PCDHGA9: variants seen among roughly 807,000 people sequenced by gnomAD.
PCDHGA9 encodes protocadherin gamma subfamily A, 9, also known as protocadherin gamma-A9.
PCDHGA9 carries 37 observed loss-of-function variants against 62.5 expected under a neutral mutation model. The ratio of observed to expected loss-of-function variants is 0.59; its 90% CI spans 0.46 to 0.78. The LOEUF (loss-of-function observed/expected upper bound fraction) is 0.78, where lower values mean the gene tolerates loss of function less well. Among genes scored for constraint, PCDHGA9 ranks in the 30% least tolerant of loss-of-function variants. The pLI is 0.00. For missense variants in PCDHGA9, 1,138 were observed against 1,166.2 expected (o/e 0.98, Z 0.35); for synonymous variants, 459 against 484.6 (o/e 0.95, Z 0.69).
chr5:141,418,095 C>T, intron 1 of PCDHGA9: 1 of 1,614,006 alleles, frequency 6.2e-7, no homozygotes, highest in Non-Finnish European at 8.5e-7. Context: ...AGCGTAGACG[C>T]GCAGAGCGGG....
At position 141,476,749 on chromosome 5, in the gene PCDHGA9, G is replaced by C; in HGVS notation, c.2425-18058G>C. On this transcript the variant is annotated intron_variant, in intron 1 of 3. Transcript: ENST00000573521. The surrounding 1 kb of genome is among the most constrained non-coding windows in gnomAD (Gnocchi z 7.6). ...ACCGAGAACGGGAGCCTAGTCTCCA[G>C]TTAGTGCTGACGGCGTTGGACGGAG... is the stretch of plus-strand genomic sequence containing the variant. 1.9e-6 allele frequency: 3 copies of C among 1,614,042 alleles called. No homozygotes were observed. The highest frequency in any genetic ancestry group is 2.5e-6 in the Non-Finnish European group (3 of 1,180,038).
chr5:141,434,506 T>C (rs2154556236), intron 1 of PCDHGA9, among the ~76,000 whole-genome samples: 2 of 152,344 alleles, frequency 1.3e-5, no homozygotes, highest in East Asian at 3.9e-4. Context: ...GGCAGAAAAC[T>C]GCTTAAAGGT....
At position 141,476,499 on chromosome 5, in the gene PCDHGA9, T is replaced by A. The variant is rs763373223; in HGVS notation, c.2425-18308T>A. On this transcript the variant is annotated intron_variant, in intron 1 of 3. Coordinates refer to ENST00000573521, the MANE Select transcript of PCDHGA9 (RefSeq NM_018921.3). This position sits in a 1 kb window ranked among gnomAD's most constrained non-coding sequence, Gnocchi z 7.6. Reference sequence around the variant, plus strand: ...AGCGTGGAAGTGGTGATCCAGGACATCAACGACAACAATCCTGCTTTCCCT... The same window carrying A: ...AGCGTGGAAGTGGTGATCCAGGACAACAACGACAACAATCCTGCTTTCCCT... 3.1e-6 allele frequency: 5 copies of A among 1,613,992 alleles called. No individual in the cohort carries two copies. The South Asian group carries it at 5.5e-5, about 18-fold the overall frequency.
chr5:141,422,296 A>C, intron 1 of PCDHGA9: 1 of 1,550,706 alleles, frequency 6.4e-7, no homozygotes, highest in South Asian at 1.3e-5. Context: ...TATTAATTCA[A>C]TTCTGGAAAA....
chr5:141,430,587 T>C, intron 1 of PCDHGA9: 1 of 521,996 alleles, frequency 1.9e-6, no homozygotes, highest in Non-Finnish European at 3.1e-6. Context: ...CCTGCTCGCC[T>C]TGCACGCGCC....
intron 3 of PCDHGA9, among the ~76,000 whole-genome samples, chr5:141,506,598 G>A (rs1056005258): frequency 6.6e-6 from 1 of 152,130 alleles, no homozygotes; most frequent in Non-Finnish European, 1.5e-5. Context: ...CAGTATTAAC[G>A]GATCTCATTG....
chr5:141,421,945 AT>A (rs1473318347), intron 1 of PCDHGA9: 1 of 1,613,342 alleles, frequency 6.2e-7, no homozygotes, highest in Non-Finnish European at 8.5e-7. Flanking sequence ...AAATGATCAC[AT>A]CCCAATGTTT....
Position 141,511,345 on chromosome 5 carries a change from TC to T in PCDHGA9, c.*179del, listed in dbSNP as rs535135679. On this transcript the variant is annotated 3_prime_UTR_variant, in exon 4 of 4. Coordinates refer to ENST00000573521, the MANE Select transcript of PCDHGA9 (RefSeq NM_018921.3). ...AAGTGCCCAGTCAGCACCTACCCCTTCCCCCCCAGGGGGTTGAATATGCAAA... is the reference window on the plus strand; with the variant it reads ...AAGTGCCCAGTCAGCACCTACCCCTTCCCCCCAGGGGGTTGAATATGCAAA... The T allele has an allele frequency of 2.2e-5, 31 of 1,410,342 alleles. No individual in the cohort carries two copies. Among genetic ancestry groups the T allele is most frequent in the South Asian group, 2.9e-5 (2 of 68,200 alleles). 87.4% of individuals were successfully genotyped at this position (1,410,342 alleles called of 1,614,324 possible). A position where few individuals can be genotyped will look rare whatever the true frequency, so the allele number is the denominator to read the frequency against.
chr5:141,437,346 T>C (rs143931647), intron 1 of PCDHGA9, among the ~76,000 whole-genome samples: 2 of 152,380 alleles, frequency 1.3e-5, no homozygotes, highest in East Asian at 3.9e-4. Flanking sequence ...CACTGTTTTA[T>C]AGTACCTAAA....
At chr5:141,478,584 T>G in intron 1 of PCDHGA9, 1 of 1,577,982 alleles carries the variant, frequency 6.3e-7, no homozygotes, top group Non-Finnish European at 8.6e-7. Flanking sequence ...CTGTTAGTGC[T>G]TTTTTATTCC....
In PCDHGA9 at chr5:141,489,637, T is replaced by G. The variant is rs1230531256; in HGVS notation, c.2425-5170T>G. The G allele has an allele frequency of 6.2e-6, 10 of 1,614,032 alleles. No homozygotes were observed. The highest frequency in any genetic ancestry group is 2.7e-5 in the African/African-American group (2 of 74,914). On this transcript the variant is annotated intron_variant, in intron 1 of 3. Transcript: ENST00000573521. The surrounding 1 kb of genome is among the most constrained non-coding windows in gnomAD (Gnocchi z 4.5). The stretch of plus-strand genomic sequence containing the variant: ...GGATCTCAATGACAACTCTCCTAGC[T>G]TTGCCACCCCTGAGCGAGAGATGCG...
chr5:141,498,078 G>A (rs1165770641), intron 2 of PCDHGA9, among the ~76,000 whole-genome samples: 6 of 152,194 alleles, frequency 3.9e-5, no homozygotes, highest in African/African-American at 1.4e-4. Flanking sequence ...ATAAGTGCTA[G>A]GTAGAATTGT....
chr5:141,468,903 C>T (rs1265804352), intron 1 of PCDHGA9, among the ~76,000 whole-genome samples: 1 of 151,614 alleles, frequency 6.6e-6, no homozygotes, highest in Non-Finnish European at 1.5e-5. Context: ...CTAATATGAT[C>T]CAGACTAGAA....
chr5:141,465,865 G>A (rs374058078), intron 1 of PCDHGA9, among the ~76,000 whole-genome samples: 7 of 151,900 alleles, frequency 4.6e-5, no homozygotes, highest in African/African-American at 1.7e-4. Flanking sequence ...GCTCATGCCT[G>A]TAATCCCAGC....
At position 141,403,791 on chromosome 5, in the gene PCDHGA9, A is replaced by C. The variant is rs1265792011; in HGVS notation, c.839A>C (p.Lys280Thr). Residue 280 changes from lysine to threonine, a missense_variant, in exon 1 of 4, where the codon AAA becomes ACA. Lys to Thr is a moderately conservative substitution (Grantham distance 78, BLOSUM62 -1). Coordinates refer to ENST00000573521, the MANE Select transcript of PCDHGA9 (RefSeq NM_018921.3). The part of the protein sequence containing the change: ...DEGINGKVAY[K>T]FWKINEKQSL... ...GGAATCAACGGAAAAGTGGCATACA[A>C]ATTCTGGAAAATTAATGAAAAACAA... 2.5e-6 allele frequency: 4 copies of C among 1,613,782 alleles called. No homozygotes were observed. The highest frequency in any genetic ancestry group is 3.4e-6 in the Non-Finnish European group (4 of 1,179,894).
At chr5:141,494,362 A>T (rs527454959) in intron 1 of PCDHGA9, among the ~76,000 whole-genome samples, 47 of 152,300 alleles carry the variant, frequency 3.1e-4, no homozygotes, top group Admixed American at 8.5e-4. Context: ...GCTGCAGAGG[A>T]TGCTTTGTTC....
Position 141,511,103 on chromosome 5 carries a change from A to G in PCDHGA9, c.2729A>G (p.Lys910Arg), listed in dbSNP as rs779731716. The G allele has an allele frequency of 6.2e-7, 1 of 1,614,214 alleles. No individual in the cohort carries two copies. The highest frequency in any genetic ancestry group is 8.5e-7 in the Non-Finnish European group (1 of 1,180,026). The change falls in exon 4 of 4, where the codon AAG becomes AGG. Residue 910 changes from lysine to arginine, a missense_variant. By Grantham distance (26) the Lys-to-Arg change is conservative. Coordinates refer to ENST00000573521, the MANE Select transcript of PCDHGA9 (RefSeq NM_018921.3). ...SNATLTNAAGKRDGKAPAGGN... is the reference protein window; with the variant it reads ...SNATLTNAAGRRDGKAPAGGN... ...GCCACACTGACCAACGCAGCTGGCA[A>G]GCGGGATGGCAAGGCCCCAGCAGGT...
At chr5:141,450,080 C>G (rs140080701) in intron 1 of PCDHGA9, among the ~76,000 whole-genome samples, 6,313 of 144,358 alleles carry the variant, frequency 0.044, 398 homozygotes, top group Admixed American at 0.19. Context: ...GATCTTGGCT[C>G]ACTGCAACCT....
chr5:141,428,082 G>A lies in PCDHGA9; in HGVS notation c.2424+22706G>A, dbSNP rs776612130. 2.5e-6 allele frequency: 4 copies of A among 1,609,030 alleles called. No individual in the cohort carries two copies. In the African/African-American group the frequency reaches 5.3e-5, roughly 21 times the overall value. On this transcript the variant is annotated intron_variant, in intron 1 of 3. Transcript: ENST00000573521. ...GGTGGACGCAGATTCGGGACACAACGCTTGGCTGTCCTACCACGTGCTGCA... is the reference window on the plus strand; with the variant it reads ...GGTGGACGCAGATTCGGGACACAACACTTGGCTGTCCTACCACGTGCTGCA...
Sources: gnomAD v4.1 joint callset for allele counts (sites outside exome capture counted in the v4.1 genomes callset) on GRCh38, gnomAD v4.1.1 for gene constraint, Gnocchi (gnomAD v3.1) non-coding constraint, MANE v1.5 for transcripts, NCBI Gene and HGNC (gene_info 2026-07-23, HGNC 2026-07-21) for gene names.